KCND2: variants seen among roughly 807,000 people sequenced by gnomAD.
KCND2 encodes the protein A-type voltage-gated potassium channel KCND2.
In KCND2, 16 loss-of-function variants were observed where a neutral mutation model predicts 54.4. The ratio of observed to expected loss-of-function variants is 0.29; its 90% CI spans 0.20 to 0.45. KCND2 has a LOEUF of 0.45. Ranked by LOEUF, KCND2 falls within the 20% of genes least tolerant of loss-of-function variation. The pLI is 1.00. For missense variants in KCND2, 486 were observed against 824.2 expected, an observed-to-expected ratio of 0.59 and a Z score of 5.02; for synonymous variants, 317 against 310.7, an observed-to-expected ratio of 1.02 and a Z score of -0.21.
At chr7:120,326,689 G>T (rs1563010398) in intron 1 of KCND2, among the ~76,000 whole-genome samples, 4 of 152,022 alleles carry the variant, frequency 2.6e-5, no homozygotes, top group Non-Finnish European at 5.9e-5. Flanking sequence ...CACATGTTCT[G>T]CAAATATGTA....
At chr7:120,442,807 C>T (rs1047261766) in intron 1 of KCND2, among the ~76,000 whole-genome samples, 1 of 152,068 alleles carries the variant, frequency 6.6e-6, no homozygotes, top group Non-Finnish European at 1.5e-5. Context: ...TCATTTCCAG[C>T]CCTTGCTTTA....
chr7:120,319,249 C>T (rs1010087110), intron 1 of KCND2, among the ~76,000 whole-genome samples: 1 of 152,036 alleles, frequency 6.6e-6, no homozygotes, highest in Non-Finnish European at 1.5e-5. Flanking sequence ...AAAATAATCT[C>T]AGGCATCCCT....
At chr7:120,322,843 CAATT>C (rs1172603977) in intron 1 of KCND2, among the ~76,000 whole-genome samples, 1 of 151,822 alleles carries the variant, frequency 6.6e-6, no homozygotes, top group Non-Finnish European at 1.5e-5. Context: ...TTAGATCAAT[CAATT>C]CTTTGTTTTT....
chr7:120,577,696 C>T (rs972435958), intron 1 of KCND2, among the ~76,000 whole-genome samples: 1 of 152,186 alleles, frequency 6.6e-6, no homozygotes, highest in Non-Finnish European at 1.5e-5. Flanking sequence ...CACAATTCTC[C>T]TGCCTCAGCC....
chr7:120,426,871 C>T (rs1801715953), intron 1 of KCND2, among the ~76,000 whole-genome samples: 1 of 152,164 alleles, frequency 6.6e-6, no homozygotes, highest in Non-Finnish European at 1.5e-5. Flanking sequence ...CCGCCCGCTT[C>T]AGCCTCCTAA....
At chr7:120,373,747 T>A (rs993724828) in intron 1 of KCND2, among the ~76,000 whole-genome samples, 1 of 151,878 alleles carries the variant, frequency 6.6e-6, no homozygotes, top group Non-Finnish European at 1.5e-5. Context: ...TTTGGCTTTT[T>A]CTTTAAAAAT....
At chr7:120,527,640 T>C (rs150270562) in intron 1 of KCND2, among the ~76,000 whole-genome samples, 122 of 152,256 alleles carry the variant, frequency 8.0e-4, no homozygotes, top group Admixed American at 2.4e-3. Flanking sequence ...TCTTTGTATA[T>C]TTGTGTATTT....
chr7:120,275,879 T>C (rs1053512160), intron 1 of KCND2, 132 bp downstream of exon 1: 9 of 1,018,438 alleles, frequency 8.8e-6, no homozygotes, highest in African/African-American at 1.6e-5. Flanking sequence ...ATTATCTAAA[T>C]GGTTTGGCAA....
At chr7:120,322,421 C>A (rs1315631810) in intron 1 of KCND2, among the ~76,000 whole-genome samples, 1 of 152,102 alleles carries the variant, frequency 6.6e-6, no homozygotes, top group Non-Finnish European at 1.5e-5. Flanking sequence ...AACTCCCTTT[C>A]TTTGTCTACT....
intron 1 of KCND2, among the ~76,000 whole-genome samples, chr7:120,463,343 T>C (rs955247506): frequency 6.7e-6 from 1 of 148,554 alleles, no homozygotes; most frequent in Non-Finnish European, 1.5e-5. Flanking sequence ...AGAACTTTAA[T>C]TTTTCACATG....
chr7:120,438,650 T>G (rs762095335), intron 1 of KCND2, among the ~76,000 whole-genome samples: 5 of 152,138 alleles, frequency 3.3e-5, no homozygotes, highest in Non-Finnish European at 7.4e-5. Context: ...TGATGTACAT[T>G]ACAAGAATTC....
chr7:120,547,494 A>G (rs1404934701), intron 1 of KCND2, among the ~76,000 whole-genome samples: 2 of 151,966 alleles, frequency 1.3e-5, no homozygotes, highest in Non-Finnish European at 2.9e-5. Context: ...GCAGAAACTC[A>G]TAGATATGTT....
At chr7:120,296,238 C>T (rs1266085222) in intron 1 of KCND2, among the ~76,000 whole-genome samples, 4 of 152,000 alleles carry the variant, frequency 2.6e-5, no homozygotes, top group Non-Finnish European at 5.9e-5. Context: ...GTTGACATTT[C>T]TTCCAACTTT....
chr7:120,707,808 A>G (rs957966196), intron 1 of KCND2, among the ~76,000 whole-genome samples: 2 of 152,046 alleles, frequency 1.3e-5, no homozygotes, highest in African/African-American at 4.8e-5. Flanking sequence ...AATGAAGACT[A>G]CAGGAGAACT....
At chr7:120,348,381 T>C (rs983606560) in intron 1 of KCND2, among the ~76,000 whole-genome samples, 24 of 152,216 alleles carry the variant, frequency 1.6e-4, no homozygotes, top group Admixed American at 3.9e-4. Flanking sequence ...ATTGTTTTTA[T>C]GAAAGCCTAT....
chr7:120,390,856 A>C (rs1801063400), intron 1 of KCND2, among the ~76,000 whole-genome samples: 1 of 152,044 alleles, frequency 6.6e-6, no homozygotes, highest in African/African-American at 2.4e-5. Context: ...ATACTTAGTC[A>C]AAAACTTGGT....
chr7:120,621,862 G>A (rs967662184), intron 1 of KCND2, among the ~76,000 whole-genome samples: 1 of 152,124 alleles, frequency 6.6e-6, no homozygotes, highest in Non-Finnish European at 1.5e-5. Context: ...TCTAGGAGTA[G>A]TATGAATAGG....
intron 1 of KCND2, among the ~76,000 whole-genome samples, chr7:120,722,929 GTGGC>G (rs1182924744): frequency 6.6e-6 from 1 of 152,130 alleles, no homozygotes; most frequent in African/African-American, 2.4e-5. Context: ...AGTGAGAGTG[GTGGC>G]TGGTTATAAG....
At chr7:120,280,108 CATAAT>C (rs1351982107) in intron 1 of KCND2, among the ~76,000 whole-genome samples, 9 of 152,074 alleles carry the variant, frequency 5.9e-5, no homozygotes, top group African/African-American at 2.2e-4. Flanking sequence ...GGTGAAGTGC[CATAAT>C]ATGAGTAACA....
Sources: gnomAD v4.1 joint callset for allele counts (sites outside exome capture counted in the v4.1 genomes callset) on GRCh38, gnomAD v4.1.1 for gene constraint, MANE v1.5 for transcripts, NCBI Gene and HGNC (gene_info 2026-07-23, HGNC 2026-07-21) for gene names.